ZNF717: variants seen among roughly 807,000 people sequenced by gnomAD.
ZNF717 encodes krueppel-like factor X17.
Under a neutral mutation model 13.8 loss-of-function variants are expected in ZNF717, and 9 were observed. That is an observed-to-expected ratio of 0.65 (90% CI 0.39 to 1.14). ZNF717 has a LOEUF of 1.14. Ranked by LOEUF, ZNF717 falls within the 50% of genes most tolerant of loss-of-function variation. The pLI is 0.01. For missense variants in ZNF717, 1,040 were observed against 1,080.7 expected (o/e 0.96, Z 0.53); for synonymous variants, 327 against 364.1 (o/e 0.90, Z 1.16).
chr3:75,738,353 C>T lies in ZNF717; in HGVS notation c.1270G>A (p.Ala424Thr), dbSNP rs1341615899. 1 of 1,535,256 alleles carries T rather than the reference C, an allele frequency of 6.5e-7. No individual in the cohort carries two copies. Among genetic ancestry groups the T allele is most frequent in the Non-Finnish European group, 8.8e-7 (1 of 1,135,420 alleles). Reference sequence around the variant, plus strand: ...AATGCTTCTTCACAATGGTCACATGCATAGGGCTTTTCCCCTGTGTGAGTT... The same window carrying T: ...AATGCTTCTTCACAATGGTCACATGTATAGGGCTTTTCCCCTGTGTGAGTT... ...HRTHTGEKPY[A>T]CDHCEEAFSH... The change falls in exon 5 of 5, where the codon GCA (alanine) becomes ACA (threonine). Residue 424 changes from alanine (A) to threonine (T), a missense_variant. By Grantham distance (58) the Ala-to-Thr change is moderately conservative. Coordinates refer to ENST00000652011, the MANE Select transcript of ZNF717 (RefSeq NM_001290208.3).
chr3:75,763,613 G>C (rs896216527), intron 2 of ZNF717, among the ~76,000 whole-genome samples: 1 of 152,202 alleles, frequency 6.6e-6, no homozygotes, highest in Non-Finnish European at 1.5e-5. Flanking sequence ...TTCCAATTAG[G>C]GCAGAGTAAG....
chr3:75,727,585 T>G (rs376184975), downstream of ZNF717, among the ~76,000 whole-genome samples: 7 of 152,254 alleles, frequency 4.6e-5, no homozygotes, highest in African/African-American at 1.7e-4. Context: ...AAATACACCC[T>G]GGTCTCCTGC....
intron 2 of ZNF717, among the ~76,000 whole-genome samples, chr3:75,780,934 C>T (rs1248286400): frequency 2.0e-5 from 3 of 152,278 alleles, no homozygotes; most frequent in Admixed American, 6.5e-5. Context: ...AGTCCTTGGT[C>T]CACCTTTTCA....
intron 5 of ZNF717, among the ~76,000 whole-genome samples, chr3:75,713,208 T>C (rs879684057): frequency 1.9e-4 from 29 of 152,154 alleles, no homozygotes; most frequent in African/African-American, 6.8e-4. Context: ...TGGAGTGCAG[T>C]GGCACAATCA....
chr3:75,759,205 T>G (rs1029507003), intron 2 of ZNF717, among the ~76,000 whole-genome samples: 1 of 152,028 alleles, frequency 6.6e-6, no homozygotes. Context: ...ATATCTCTGA[T>G]GCATGGCCGT....
intron 2 of ZNF717, among the ~76,000 whole-genome samples, chr3:75,782,632 G>A (rs1474251796): frequency 1.3e-5 from 2 of 151,742 alleles, no homozygotes; most frequent in African/African-American, 4.8e-5. Context: ...GTGCTTTAGC[G>A]GCAGATGACC....
chr3:75,696,812 G>T (rs1394883615), intron 6 of ZNF717, among the ~76,000 whole-genome samples: 2 of 151,568 alleles, frequency 1.3e-5, no homozygotes, highest in African/African-American at 4.8e-5. Flanking sequence ...AGAATCACTT[G>T]AACCCAGGAG....
chr3:75,711,492 G>A (rs1937936868), intron 5 of ZNF717, among the ~76,000 whole-genome samples: 2 of 152,210 alleles, frequency 1.3e-5, no homozygotes, highest in South Asian at 4.1e-4. Flanking sequence ...TTAGTCTACT[G>A]ATCTTAAATT....
intron 2 of ZNF717, among the ~76,000 whole-genome samples, chr3:75,766,934 A>T (rs151165799): frequency 0.024 from 3,632 of 150,802 alleles, no homozygotes; most frequent in South Asian, 0.13. Context: ...TATTTGGAAC[A>T]AACTTGTTAT....
In ZNF717 at chr3:75,761,290, A is replaced by G. The variant is rs368853929; in HGVS notation, c.58-19554T>C. Among the ~76,000 whole-genome samples, 29 of 152,394 alleles carry G rather than the reference A, an allele frequency of 1.9e-4. No homozygotes were observed. In the South Asian group the frequency reaches 5.6e-3, roughly 29 times the overall value. On this transcript the variant is annotated intron_variant, in intron 2 of 4. Coordinates refer to ENST00000652011, the MANE Select transcript of ZNF717 (RefSeq NM_001290208.3). Reference sequence around the variant, plus strand: ...AGGAGGGGACATTCCAATCCATTCTATCAGGTCAACATTTATCTGGTTCCA... The same window carrying G: ...AGGAGGGGACATTCCAATCCATTCTGTCAGGTCAACATTTATCTGGTTCCA...
rs369664964 is a variant in ZNF717 at position 75,752,206 on chromosome 3, G to A, written c.58-10470C>T. Among the ~76,000 whole-genome samples, 272 of 151,030 alleles carry A rather than the reference G, an allele frequency of 1.8e-3. 2 individuals carry two copies. The highest frequency in any genetic ancestry group is 6.0e-3 in the African/African-American group (245 of 40,976). On this transcript the variant is annotated intron_variant, in intron 2 of 4. Transcript: ENST00000652011. ...TAGGAATCCAGAACACTGCTACGAGGGTCTGAATGTTTTTCCCTCACATAG... is the reference window on the plus strand; with the variant it reads ...TAGGAATCCAGAACACTGCTACGAGAGTCTGAATGTTTTTCCCTCACATAG...
intron 4 of ZNF717, among the ~76,000 whole-genome samples, chr3:75,720,676 C>T (rs1185472426): frequency 1.4e-3 from 211 of 152,330 alleles, no homozygotes; most frequent in Middle Eastern, 6.8e-3. Flanking sequence ...TAAAACCTGT[C>T]AATATGACAT....
At position 75,738,349 on chromosome 3, in the gene ZNF717, C is replaced by T. The variant is rs1939784017; in HGVS notation, c.1274G>A (p.Cys425Tyr). The T allele has an allele frequency of 6.5e-7, 1 of 1,535,596 alleles. No homozygotes were observed. The highest frequency in any genetic ancestry group is 2.0e-5 in the Admixed American group (1 of 50,386). The part of the protein sequence containing the change: ...RTHTGEKPYA[C>Y]DHCEEAFSHK... ...GCTAAATGCTTCTTCACAATGGTCA[C>T]ATGCATAGGGCTTTTCCCCTGTGTG... Residue 425 changes from cysteine to tyrosine, a missense_variant, in exon 5 of 5, where the codon TGT becomes TAT. Transcript: ENST00000652011.
Position 75,766,846 on chromosome 3 carries a change from C to T in ZNF717, c.57+16460G>A, listed in dbSNP as rs1237894143. Among the ~76,000 whole-genome samples the T allele has an allele frequency of 2.6e-5, 4 of 152,364 alleles. No homozygotes were observed. In the South Asian group the frequency reaches 6.2e-4, roughly 24 times the overall value. On this transcript the variant is annotated intron_variant, in intron 2 of 4. Coordinates refer to ENST00000652011, the MANE Select transcript of ZNF717 (RefSeq NM_001290208.3). ...AACAAATAGATATCCAGAAAAGCCT[C>T]AAATGTCTGAAAACCAAGTAATAAA...
downstream of ZNF717, among the ~76,000 whole-genome samples, chr3:75,734,151 C>A (rs77056103): frequency 2.0e-5 from 3 of 151,468 alleles, no homozygotes; most frequent in African/African-American, 7.3e-5. Context: ...CTCACTGCAA[C>A]CTCTGCCTCC....
chr3:75,697,815 G>C (rs1937620496), intron 6 of ZNF717, among the ~76,000 whole-genome samples: 2 of 152,296 alleles, frequency 1.3e-5, no homozygotes, highest in African/African-American at 4.8e-5. Context: ...AGAGTTTGTA[G>C]GATTCAGAAG....
chr3:75,704,971 C>T (rs143678147), downstream of ZNF717, among the ~76,000 whole-genome samples: 1 of 149,486 alleles, frequency 6.7e-6, no homozygotes, highest in African/African-American at 2.5e-5. Flanking sequence ...ATTTAACAGC[C>T]CTACATGATA....
chr3:75,721,585 G>A (rs1364965854), intron 4 of ZNF717, among the ~76,000 whole-genome samples: 2 of 152,088 alleles, frequency 1.3e-5, no homozygotes, highest in African/African-American at 4.8e-5. Context: ...CTGGCCTGAT[G>A]TTATTTAATT....
At chr3:75,728,417 T>C (rs150008498), downstream of ZNF717, among the ~76,000 whole-genome samples, 4 of 152,326 alleles carry the variant, frequency 2.6e-5, no homozygotes, top group Middle Eastern at 6.8e-3. Flanking sequence ...GGGTGAAATA[T>C]TGAGAAATAC....
Sources: gnomAD v4.1 joint callset for allele counts (sites outside exome capture counted in the v4.1 genomes callset) on GRCh38, gnomAD v4.1.1 for gene constraint, MANE v1.5 for transcripts, NCBI Gene and HGNC (gene_info 2026-07-23, HGNC 2026-07-21) for gene names.